The following SLC25A48 variants were observed in gnomAD, a reference collection of about 807,000 sequenced individuals.
SLC25A48 encodes the protein solute carrier family 25 member 48.
SLC25A48 carries 29 observed loss-of-function variants against 32.2 expected under a neutral mutation model. The observed-to-expected ratio is 0.90, with a 90% CI of 0.67 to 1.23. The LOEUF is 1.23. Among genes scored for constraint, SLC25A48 ranks in the 50% most tolerant of loss-of-function variants. The pLI is 0.00. For synonymous variants in SLC25A48, 164 were observed against 172.3 expected (o/e 0.95, Z 0.38); for missense variants, 399 against 422.7 (o/e 0.94, Z 0.49).
At chr5:135,785,791 G>A (rs1188279775) in intron 3 of SLC25A48, among the ~76,000 whole-genome samples, 1 of 151,172 alleles carries the variant, frequency 6.6e-6, no homozygotes, top group East Asian at 2.0e-4. Context: ...TAATATCCAG[G>A]GGGCGAGAGG....
intron 1 of SLC25A48, among the ~76,000 whole-genome samples, chr5:135,585,130 T>C (rs897061715): frequency 6.6e-6 from 1 of 151,928 alleles, no homozygotes; most frequent in African/African-American, 2.4e-5. Context: ...ATGGTGAGGG[T>C]CTAGGCCCAT....
intron 6 of SLC25A48, chr5:135,875,064 A>G (rs754221220): frequency 2.4e-4 from 57 of 235,164 alleles, no homozygotes; most frequent in Admixed American, 7.4e-4. Flanking sequence ...TATGTAACCC[A>G]TAGGGAAGAG....
chr5:135,582,430 A>C (rs941874574), intron 1 of SLC25A48, among the ~76,000 whole-genome samples: 2 of 152,016 alleles, frequency 1.3e-5, no homozygotes, highest in African/African-American at 4.8e-5. Context: ...TCATCAGGGG[A>C]TCTGACAGGG....
At chr5:135,863,980 T>C (rs539787616) in intron 4 of SLC25A48, among the ~76,000 whole-genome samples, 2 of 152,192 alleles carry the variant, frequency 1.3e-5, no homozygotes, top group South Asian at 4.1e-4. Context: ...GTTGAGGGAA[T>C]TGATGTCAGA....
chr5:135,874,236 G>C (rs537569512), intron 6 of SLC25A48, 82 bp downstream of exon 6: 1 of 1,366,938 alleles, frequency 7.3e-7, no homozygotes, highest in African/African-American at 1.5e-5. Flanking sequence ...GGACTATAGA[G>C]AAGGGAATCA....
At chr5:135,651,715 G>A (rs1425043627) in intron 3 of SLC25A48, among the ~76,000 whole-genome samples, 1 of 152,152 alleles carries the variant, frequency 6.6e-6, no homozygotes, top group Non-Finnish European at 1.5e-5. Flanking sequence ...AAATTGCTGT[G>A]TGGTTTCTTT....
chr5:135,653,004 T>C (rs1397044282), intron 3 of SLC25A48, among the ~76,000 whole-genome samples: 3 of 152,142 alleles, frequency 2.0e-5, no homozygotes, highest in Non-Finnish European at 4.4e-5. Context: ...AGGGCTTTTG[T>C]GGTGGGTTCA....
chr5:135,668,117 T>C (rs1245744349), intron 3 of SLC25A48, among the ~76,000 whole-genome samples: 1 of 152,204 alleles, frequency 6.6e-6, no homozygotes, highest in Non-Finnish European at 1.5e-5. Flanking sequence ...GATGTCATAA[T>C]ACCTAATAAG....
At chr5:135,851,367 A>G (rs746040369) in intron 3 of SLC25A48, among the ~76,000 whole-genome samples, 10 of 152,122 alleles carry the variant, frequency 6.6e-5, no homozygotes, top group Non-Finnish European at 8.8e-5. Flanking sequence ...ATGCTGTGGG[A>G]GTCCACAGTC....
At chr5:135,799,308 C>T (rs1487715416) in intron 3 of SLC25A48, among the ~76,000 whole-genome samples, 2 of 151,640 alleles carry the variant, frequency 1.3e-5, no homozygotes, top group Non-Finnish European at 2.9e-5. Flanking sequence ...GGCAGATGTA[C>T]TCCCTCCCTG....
chr5:135,613,877 T>G (rs1392712474), intron 1 of SLC25A48, among the ~76,000 whole-genome samples: 1 of 152,252 alleles, frequency 6.6e-6, no homozygotes, highest in Non-Finnish European at 1.5e-5. Context: ...GGTGGTGTGA[T>G]GCCTCCAGAT....
At chr5:135,651,424 C>A (rs115210785) in intron 3 of SLC25A48, among the ~76,000 whole-genome samples, 3 of 152,138 alleles carry the variant, frequency 2.0e-5, no homozygotes, top group South Asian at 2.1e-4. Context: ...TGTGTGGACA[C>A]CTTCCCCTGA....
At chr5:135,830,108 C>T (rs560098619), upstream of SLC25A48, among the ~76,000 whole-genome samples, 128 of 152,318 alleles carry the variant, frequency 8.4e-4, no homozygotes, top group African/African-American at 2.9e-3. Context: ...TCTGGCACCT[C>T]AGACTCCCCT....
chr5:135,756,393 G>A (rs1357712742), intron 3 of SLC25A48, among the ~76,000 whole-genome samples: 2 of 151,978 alleles, frequency 1.3e-5, no homozygotes, highest in Non-Finnish European at 2.9e-5. Context: ...TATAATATTA[G>A]TAAAATATCG....
At chr5:135,766,080 G>A (rs1044032287) in intron 3 of SLC25A48, among the ~76,000 whole-genome samples, 2 of 151,484 alleles carry the variant, frequency 1.3e-5, no homozygotes, top group Admixed American at 6.6e-5. Context: ...GCGGGAGAGA[G>A]TAATATTTCT....
chr5:135,755,269 A>G (rs545360952), intron 3 of SLC25A48, among the ~76,000 whole-genome samples: 2 of 152,226 alleles, frequency 1.3e-5, no homozygotes, highest in African/African-American at 4.8e-5. Flanking sequence ...GTGTTCACAC[A>G]CAGTGTTTAC....
chr5:135,847,270 G>A (rs1232222694), intron 2 of SLC25A48, among the ~76,000 whole-genome samples: 1 of 152,152 alleles, frequency 6.6e-6, no homozygotes, highest in Non-Finnish European at 1.5e-5. Context: ...CAACACTGAG[G>A]GCAGCCACAC....
At chr5:135,867,216 A>G (rs991513823) in intron 4 of SLC25A48, among the ~76,000 whole-genome samples, 2 of 152,210 alleles carry the variant, frequency 1.3e-5, no homozygotes, top group African/African-American at 4.8e-5. Context: ...ATATGCATGT[A>G]CACCCTGAAG....
intron 4 of SLC25A48, among the ~76,000 whole-genome samples, chr5:135,818,096 TC>T (rs1757780862): frequency 7.1e-6 from 1 of 140,894 alleles, no homozygotes; most frequent in Non-Finnish European, 1.6e-5. Context: ...TCTCTCTCTC[TC>T]TCTCTCTCTC....
Sources: gnomAD v4.1 joint callset for allele counts (sites outside exome capture counted in the v4.1 genomes callset) on GRCh38, gnomAD v4.1.1 for gene constraint, MANE v1.5 for transcripts, NCBI Gene and HGNC (gene_info 2026-07-23, HGNC 2026-07-21) for gene names.